Variants in AFAP1L1 observed in about 807,000 individuals in gnomAD.
The protein encoded by AFAP1L1 is actin filament associated protein 1 like 1.
Under a neutral mutation model 99.8 loss-of-function variants are expected in AFAP1L1, and 77 were observed. The observed-to-expected ratio is 0.77, with a 90% confidence interval of 0.64 to 0.93. AFAP1L1 has a LOEUF of 0.93. Among genes scored for constraint, AFAP1L1 ranks in the 40% least tolerant of loss-of-function variants. The pLI, the probability that AFAP1L1 is intolerant of heterozygous loss-of-function variation, is 0.00. For missense variants in AFAP1L1, 893 were observed against 996.8 expected (o/e 0.90, Z 1.40); for synonymous variants, 373 against 395.3 (o/e 0.94, Z 0.67).
intron 7 of AFAP1L1, among the ~76,000 whole-genome samples, chr5:149,309,582 C>G (rs1001408031): frequency 6.6e-6 from 1 of 152,158 alleles, no homozygotes; most frequent in African/African-American, 2.4e-5. Flanking sequence ...CTTCCCAAGG[C>G]CAACCCTCCA....
At chr5:149,291,783 G>C (rs577472703) in intron 1 of AFAP1L1, among the ~76,000 whole-genome samples, 3 of 152,282 alleles carry the variant, frequency 2.0e-5, no homozygotes, top group Admixed American at 2.0e-4. Flanking sequence ...TAAGGCACTG[G>C]TTCTTTCTCC....
intron 1 of AFAP1L1, among the ~76,000 whole-genome samples, chr5:149,294,604 A>AT (rs1465762202): frequency 2.6e-5 from 4 of 151,820 alleles, no homozygotes; most frequent in Admixed American, 1.3e-4. Flanking sequence ...TCAGTGGTCT[A>AT]TTTTTTTTCT....
intron 1 of AFAP1L1, among the ~76,000 whole-genome samples, chr5:149,281,557 G>A (rs1166076888): frequency 1.3e-5 from 2 of 152,172 alleles, no homozygotes; most frequent in Admixed American, 6.5e-5. Flanking sequence ...TATTCCCAGT[G>A]TCTAACAATA....
In AFAP1L1 at chr5:149,299,645, G is replaced by C; in HGVS notation, c.145+8G>C. ...GCCTGCAGCCCCTTCCAGGTTAGCC[G>C]CCAGCAGCCTGCCTGGAGGAGCTCC... On this transcript the variant is annotated splice_region_variant and intron_variant, in intron 2 of 18. Coordinates refer to ENST00000296721, the MANE Select transcript of AFAP1L1 (RefSeq NM_152406.4). 1 of 1,613,982 alleles carries C rather than the reference G, an allele frequency of 6.2e-7. No homozygotes were observed. The highest frequency in any genetic ancestry group is 1.3e-5 in the African/African-American group (1 of 75,006).
At chr5:149,273,972 C>A (rs183610480) in intron 1 of AFAP1L1, among the ~76,000 whole-genome samples, 8 of 152,280 alleles carry the variant, frequency 5.3e-5, no homozygotes, top group Admixed American at 2.6e-4. Context: ...CAACAACCTC[C>A]ACGTCAGAAG....
intron 7 of AFAP1L1, among the ~76,000 whole-genome samples, chr5:149,308,254 G>A (rs1275638798): frequency 6.6e-6 from 1 of 152,142 alleles, no homozygotes; most frequent in Non-Finnish European, 1.5e-5. Flanking sequence ...CATTATGCAA[G>A]TAAATGTGCT....
intron 7 of AFAP1L1, among the ~76,000 whole-genome samples, chr5:149,309,077 C>T (rs1031786036): frequency 6.6e-6 from 1 of 152,118 alleles, no homozygotes; most frequent in African/African-American, 2.4e-5. Context: ...CAGCACTGCA[C>T]TCCAGCGTGG....
chr5:149,296,001 A>T (rs907316842), intron 1 of AFAP1L1, among the ~76,000 whole-genome samples: 3 of 152,226 alleles, frequency 2.0e-5, no homozygotes, highest in Admixed American at 6.5e-5. Context: ...ATATTGATAG[A>T]TACAACCCAC....
At chr5:149,309,260 T>A (rs193069189) in intron 7 of AFAP1L1, among the ~76,000 whole-genome samples, 19 of 152,244 alleles carry the variant, frequency 1.2e-4, no homozygotes, top group Admixed American at 6.5e-5. Context: ...ATACTTTTTC[T>A]AGCTCTATTC....
intron 1 of AFAP1L1, among the ~76,000 whole-genome samples, chr5:149,273,937 C>G (rs769505467): frequency 2.0e-5 from 3 of 152,064 alleles, no homozygotes; most frequent in African/African-American, 7.2e-5. Context: ...GACAATAGTT[C>G]ACTTCACTTT....
rs1397573887 is a variant in AFAP1L1, at chr5:149,312,183, G to A, written c.999G>A (p.Leu333=). Reference sequence around the variant, plus strand: ...AGGTCCCCAGATCCCCAGTCCTCCTGTGCAAGTTGGACCTGGACAAGGTAT... The same window carrying A: ...AGGTCCCCAGATCCCCAGTCCTCCTATGCAAGTTGGACCTGGACAAGGTAT... ...GVEVPRSPVL[L]CKLDLDKRLS... The change falls in exon 9 of 19, where the codon CTG becomes CTA. Residue 333 remains leucine (L), a synonymous_variant. Coordinates refer to ENST00000296721, the MANE Select transcript of AFAP1L1 (RefSeq NM_152406.4). 2 of 1,614,192 alleles carry A rather than the reference G, an allele frequency of 1.2e-6. No individual in the cohort carries two copies. Among genetic ancestry groups the A allele is most frequent in the Non-Finnish European group, 1.7e-6 (2 of 1,180,026 alleles).
intron 2 of AFAP1L1, 92 bp downstream of exon 2, chr5:149,299,729 G>GCCCCAC: frequency 1.3e-6 from 2 of 1,556,006 alleles, no homozygotes; most frequent in Non-Finnish European, 1.7e-6. Flanking sequence ...GGAACCCTCC[G>GCCCCAC]CCCCACCCCC....
At chr5:149,339,916 T>C in intron 18 of AFAP1L1, 91 bp from the exon 19 acceptor site, 1 of 1,450,538 alleles carries the variant, frequency 6.9e-7, no homozygotes, top group Non-Finnish European at 9.6e-7. Context: ...CTAGTGGAGA[T>C]CTTCATCTAA....
chr5:149,294,548 G>A (rs1755961292), intron 1 of AFAP1L1, among the ~76,000 whole-genome samples: 1 of 152,152 alleles, frequency 6.6e-6, no homozygotes, highest in African/African-American at 2.4e-5. Flanking sequence ...TGTATATCGG[G>A]TTTTCTCTGG....
At chr5:149,291,672 G>A (rs1346362171) in intron 1 of AFAP1L1, among the ~76,000 whole-genome samples, 1 of 152,006 alleles carries the variant, frequency 6.6e-6, no homozygotes, top group Non-Finnish European at 1.5e-5. Flanking sequence ...TCTTTCCAGG[G>A]CGACTTGCCT....
At chr5:149,302,243 A>G (rs1397169023) in intron 4 of AFAP1L1, among the ~76,000 whole-genome samples, 175 bp from the exon 5 acceptor site, 1 of 152,236 alleles carries the variant, frequency 6.6e-6, no homozygotes, top group Non-Finnish European at 1.5e-5. Context: ...AAATTGGGGT[A>G]AGAATCACTG....
At chr5:149,314,346 A>T (rs1756733019) in intron 9 of AFAP1L1, among the ~76,000 whole-genome samples, 1 of 152,128 alleles carries the variant, frequency 6.6e-6, no homozygotes, top group Admixed American at 6.5e-5. Context: ...AGATGTGTAG[A>T]GGGGAAGAAG....
At chr5:149,301,047 C>T in intron 3 of AFAP1L1, 86 bp from the exon 4 acceptor site, 1 of 1,185,584 alleles carries the variant, frequency 8.4e-7, no homozygotes, top group South Asian at 1.4e-5. Context: ...CACACTCAGG[C>T]CTCCTGACCC....
chr5:149,309,822 C>T (rs1172650901), intron 7 of AFAP1L1, 134 bp from the exon 8 acceptor site: 3 of 1,088,944 alleles, frequency 2.8e-6, no homozygotes, highest in Non-Finnish European at 4.0e-6. Flanking sequence ...TATCCTCACA[C>T]AGTGCCCATG....
Sources: allele counts gnomAD v4.1 joint callset (sites outside exome capture counted in the v4.1 genomes callset), GRCh38; gene constraint gnomAD v4.1.1; transcripts MANE v1.5; gene names NCBI Gene and HGNC (gene_info 2026-07-23, HGNC 2026-07-21).